Variants in USP35 observed in about 807,000 individuals in gnomAD.
The protein encoded by USP35 is ubiquitin specific peptidase 35.
A neutral mutation model predicts 83.8 loss-of-function variants in USP35; 69 were observed. The ratio of observed to expected loss-of-function variants is 0.82; its 90% CI spans 0.68 to 1.01. USP35 has a LOEUF of 1.01. USP35 is among the 50% of genes least tolerant of loss of function. The pLI, the probability that USP35 is intolerant of heterozygous loss-of-function variation, is 0.00. For missense variants in USP35, 1,503 were observed against 1,362.5 expected, an observed-to-expected ratio of 1.10 and a Z score of -1.62; for synonymous variants, 714 against 589.5, an observed-to-expected ratio of 1.21 and a Z score of -3.06.
At chr11:78,192,221 C>G (rs2510034) in intron 1 of USP35, among the ~76,000 whole-genome samples, 63,374 of 152,044 alleles carry the variant, frequency 0.42, 13,720 homozygotes, top group East Asian at 0.62. Context: ...AGGCTCTCCT[C>G]GGGGAGGACA....
the USP35 span, among the ~76,000 whole-genome samples, chr11:78,221,140 G>A: frequency 6.6e-5 from 10 of 152,338 alleles, no homozygotes; most frequent in East Asian, 1.9e-3. Flanking sequence ...TAATGAGAAG[G>A]TGATAGTCCT....
chr11:78,199,461 C>A, intron 3 of USP35, 134 bp from the exon 4 acceptor site: 1 of 1,368,986 alleles, frequency 7.3e-7, no homozygotes, highest in Non-Finnish European at 1.0e-6. Context: ...GTTCAGCCCA[C>A]AGACCCCGGG....
rs751803501 is a variant in USP35, at chr11:78,196,449, C to T, written c.204C>T (p.Ala68=). ...TGGGCTGCCAGCTGCTGCACGTGGCCGGCCGCCACCACCCCGACGTCTTCG... is the reference window on the plus strand; with the variant it reads ...TGGGCTGCCAGCTGCTGCACGTGGCTGGCCGCCACCACCCCGACGTCTTCG... The part of the protein sequence containing the change: ...RRVGCQLLHV[A]GRHHPDVFAE... The change falls in exon 2 of 11, where the codon GCC becomes GCT. Residue 68 remains alanine (A), a synonymous_variant. Transcript: ENST00000529308. The surrounding 1 kb of genome is among the most constrained non-coding windows in gnomAD (Gnocchi z 4.8). The T allele has an allele frequency of 2.1e-5, 26 of 1,266,172 alleles. No homozygotes were observed. The highest frequency in any genetic ancestry group is 3.7e-5 in the East Asian group (1 of 27,034). The allele number at this position is 1,266,172 out of a possible 1,614,324, so 78.4% of individuals were successfully genotyped here.
chr11:78,198,337 C>T (rs1368955476), intron 3 of USP35, among the ~76,000 whole-genome samples: 1 of 152,234 alleles, frequency 6.6e-6, no homozygotes, highest in African/African-American at 2.4e-5. Flanking sequence ...CTCTCAGCCT[C>T]AGTTTCCCCC....
At chr11:78,212,626 C>G (rs182850050) in intron 10 of USP35, among the ~76,000 whole-genome samples, 6 of 152,004 alleles carry the variant, frequency 3.9e-5, no homozygotes, top group African/African-American at 1.5e-4. Flanking sequence ...TAGCTGTATT[C>G]CTAGGTATTT....
chr11:78,232,070 C>T, the USP35 span: 2 of 152,222 alleles, frequency 1.3e-5, no homozygotes, highest in African/African-American at 4.8e-5. Flanking sequence ...TTTGGCAGGA[C>T]TCTGGTTACA....
the USP35 span, chr11:78,226,862 G>A: frequency 6.2e-7 from 1 of 1,614,132 alleles, no homozygotes; most frequent in East Asian, 2.2e-5. Flanking sequence ...AGGCCAGGCT[G>A]CGGGGGAGGT....
the USP35 span, chr11:78,223,435 C>A: frequency 6.4e-7 from 1 of 1,567,056 alleles, no homozygotes. Context: ...TTTGAGGTTG[C>A]GGTTGACAGG....
intron 2 of USP35, among the ~76,000 whole-genome samples, chr11:78,197,422 C>T (rs891838041): frequency 2.6e-5 from 4 of 152,166 alleles, no homozygotes; most frequent in African/African-American, 9.6e-5. Context: ...AAATCTTGAT[C>T]CTCCATTGAC....
Position 78,196,367 on chromosome 11 carries a change from T to C in USP35, c.122T>C (p.Leu41Pro). The change falls in exon 2 of 11, where the codon CTG becomes CCG. Residue 41 changes from leucine (L) to proline (P), a missense_variant. Coordinates refer to ENST00000529308, the MANE Select transcript of USP35 (RefSeq NM_020798.4). The surrounding 1 kb of genome is among the most constrained non-coding windows in gnomAD (Gnocchi z 4.8). ...QPLEREQCLA[L>P]LALGARLYVG... Reference sequence around the variant, plus strand: ...CTGGAGCGTGAGCAGTGCCTGGCGCTGCTGGCGCTGGGCGCGCGCCTCTAC... The same window carrying C: ...CTGGAGCGTGAGCAGTGCCTGGCGCCGCTGGCGCTGGGCGCGCGCCTCTAC... 1 of 1,528,486 alleles carries C rather than the reference T, an allele frequency of 6.5e-7. No homozygotes were observed. The highest frequency in any genetic ancestry group is 8.7e-7 in the Non-Finnish European group (1 of 1,151,188). The allele number at this position is 1,528,486 out of a possible 1,614,324, so 94.7% of individuals were successfully genotyped here.
Position 78,196,158 on chromosome 11 carries a change from T to G in USP35, c.-10-78T>G. ...AAGTTTGAGTTGCTTGCCCTAAGTCTCAGCACTCGGGGACTGCACCGGGAA... is the reference window on the plus strand; with the variant it reads ...AAGTTTGAGTTGCTTGCCCTAAGTCGCAGCACTCGGGGACTGCACCGGGAA... On this transcript the variant is annotated intron_variant, in intron 1 of 10. Coordinates refer to ENST00000529308, the MANE Select transcript of USP35 (RefSeq NM_020798.4). This position sits in a 1 kb window ranked among gnomAD's most constrained non-coding sequence, Gnocchi z 4.8. 2 of 1,471,896 alleles carry G rather than the reference T, an allele frequency of 1.4e-6. No individual in the cohort carries two copies. Among genetic ancestry groups the G allele is most frequent in the Non-Finnish European group, 8.9e-7 (1 of 1,121,510 alleles). The allele number at this position is 1,471,896 out of a possible 1,614,324, so 91.2% of individuals were successfully genotyped here.
the USP35 span, chr11:78,223,685 A>G: frequency 5.1e-6 from 8 of 1,577,234 alleles, no homozygotes; most frequent in Non-Finnish European, 6.9e-6. Context: ...GGCTAGGGAG[A>G]GGAACAGTGA....
intron 6 of USP35, among the ~76,000 whole-genome samples, chr11:78,202,024 A>G (rs964965229): frequency 1.3e-5 from 2 of 152,240 alleles, no homozygotes; most frequent in African/African-American, 2.4e-5. Flanking sequence ...CTTTAAGTAC[A>G]TAGCTAAGCT....
downstream of USP35, chr11:78,215,591 GACAA>G (rs552681256): frequency 8.5e-5 from 13 of 152,506 alleles, no homozygotes; most frequent in South Asian, 8.3e-4. Context: ...TTCTCTTCCT[GACAA>G]ACAGTGACAA....
chr11:78,210,757 G>C lies in USP35; in HGVS notation c.2889+13G>C, dbSNP rs370176522. ...CCTTTACCTACAGGTGAGCTGAGCC[G>C]TGGGGCCTTTGATCTGATCTCTTGG... is the stretch of plus-strand genomic sequence containing the variant. On this transcript the variant is annotated intron_variant, in intron 10 of 10. Transcript: ENST00000529308. 158 of 1,521,482 alleles carry C rather than the reference G, an allele frequency of 1.0e-4. No individual in the cohort carries two copies. In the African/African-American group the frequency reaches 1.8e-3, roughly 17 times the overall value. 94.2% of individuals were successfully genotyped at this position (1,521,482 alleles called of 1,614,324 possible). A position where few individuals can be genotyped will look rare whatever the true frequency, so the allele number is the denominator to read the frequency against.
intron 7 of USP35, 173 bp from the exon 8 acceptor site, chr11:78,207,357 G>T (rs1460373680): frequency 1.6e-6 from 1 of 619,488 alleles, no homozygotes; most frequent in Non-Finnish European, 2.9e-6. Context: ...GATACCCCAG[G>T]CTGAGTTGTT....
the USP35 span, chr11:78,225,052 G>A: frequency 9.5e-6 from 10 of 1,053,750 alleles, no homozygotes; most frequent in South Asian, 1.2e-4. Flanking sequence ...TCCATAAGGT[G>A]TGACCTTTTA....
chr11:78,213,877 TGGAGGCAGGCCCTACCA>T lies in USP35; in HGVS notation c.*65_*81del, dbSNP rs1863927065. 1.1e-5 allele frequency: 17 copies of T among 1,515,808 alleles called. No homozygotes were observed. The highest frequency in any genetic ancestry group is 1.5e-5 in the Non-Finnish European group (17 of 1,143,162). 93.9% of individuals were successfully genotyped at this position (1,515,808 alleles called of 1,614,324 possible). The stretch of plus-strand genomic sequence containing the variant: ...GCCAGGTAGGGCCTGAGGGAAGCTG[TGGAGGCAGGCCCTACCA>T]AGAGGAAGGATGGTACAGCTCATGG... On this transcript the variant is annotated 3_prime_UTR_variant, in exon 11 of 11. Coordinates refer to ENST00000529308, the MANE Select transcript of USP35 (RefSeq NM_020798.4).
At chr11:78,193,930 G>A (rs751060313) in intron 1 of USP35, among the ~76,000 whole-genome samples, 3 of 152,098 alleles carry the variant, frequency 2.0e-5, no homozygotes, top group Admixed American at 6.5e-5. Flanking sequence ...TCCTGGGCTC[G>A]CCACCACCCT....
Sources: gnomAD v4.1 joint callset for allele counts (sites outside exome capture counted in the v4.1 genomes callset) on GRCh38, gnomAD v4.1.1 for gene constraint, Gnocchi (gnomAD v3.1) non-coding constraint, MANE v1.5 for transcripts, NCBI Gene and HGNC (gene_info 2026-07-23, HGNC 2026-07-21) for gene names.